USHBP1: variants seen among roughly 807,000 people sequenced by gnomAD.
The protein encoded by USHBP1 is USH1 protein network component harmonin binding protein 1, also known as harmonin-binding protein USHBP1.
USHBP1 carries 67 observed loss-of-function variants against 76.2 expected under a neutral mutation model. That is an observed-to-expected ratio of 0.88 (90% CI 0.72 to 1.08). The LOEUF (loss-of-function observed/expected upper bound fraction) is 1.08, where lower values mean the gene tolerates loss of function less well. USHBP1 is among the 50% of genes least tolerant of loss of function. The pLI is 0.00. For synonymous variants in USHBP1, 322 were observed against 362.2 expected (o/e 0.89, Z 1.26); for missense variants, 931 against 915.0 (o/e 1.02, Z -0.23).
At chr19:17,263,423 G>A (rs1038571666) in intron 3 of USHBP1, 13 of 161,622 alleles carry the variant, frequency 8.0e-5, no homozygotes, top group Admixed American at 6.0e-4. Context: ...TGCGTGTTCT[G>A]GGACTGGCAT....
chr19:17,258,157 C>T, intron 8 of USHBP1, 55 bp downstream of exon 8: 1 of 1,607,162 alleles, frequency 6.2e-7, no homozygotes, highest in Admixed American at 1.7e-5. Flanking sequence ...GCCCCATCCC[C>T]CAGTCAAGAC....
At chr19:17,261,653 T>G (rs1240467964) in intron 4 of USHBP1, among the ~76,000 whole-genome samples, 1 of 149,836 alleles carries the variant, frequency 6.7e-6, no homozygotes, top group East Asian at 2.0e-4. Flanking sequence ...TTTTTTTTTT[T>G]TTGAGACAGA....
Position 17,259,398 on chromosome 19 carries a change from G to A in USHBP1, c.937C>T (p.Leu313=), listed in dbSNP as rs751964672. ...TATCCCTGTAGCACAGCTGATAGCA[G>A]ACGATTAAAGCATTTGAGCTTCTCA... ...SIEKLKCFNR[L]LSAVLQGYKG... Residue 313 remains leucine, a synonymous_variant, in exon 7 of 13, where the codon CTG becomes TTG. Coordinates refer to ENST00000252597, the MANE Select transcript of USHBP1 (RefSeq NM_031941.4). 9.9e-6 allele frequency: 16 copies of A among 1,614,052 alleles called. No homozygotes were observed. In the East Asian group the frequency reaches 3.3e-4, roughly 34 times the overall value.
At position 17,250,269 on chromosome 19, in the gene USHBP1, T is replaced by C. The variant is rs2073532563; in HGVS notation, c.2068A>G (p.Arg690Gly). 2 of 1,613,188 alleles carry C rather than the reference T, an allele frequency of 1.2e-6. No homozygotes were observed. The highest frequency in any genetic ancestry group is 1.7e-5 in the Admixed American group (1 of 59,966). ...EATARALGKPRPPLPPPQLGD... is the reference protein window; with the variant it reads ...EATARALGKPGPPLPPPQLGD... Reference sequence around the variant, plus strand: ...AGCTGGGGAGGCGGGAGGGGAGGCCTGGGCTTCCCCAGGGCCCTTGCAGTG... The same window carrying C: ...AGCTGGGGAGGCGGGAGGGGAGGCCCGGGCTTCCCCAGGGCCCTTGCAGTG... The change falls in exon 13 of 13, where the codon AGG (arginine) becomes GGG (glycine). Residue 690 changes from arginine to glycine, a missense_variant. Physicochemically the swap from Arg to Gly is moderately radical, Grantham distance 125. Transcript: ENST00000252597.
At position 17,251,983 on chromosome 19, in the gene USHBP1, A is replaced by G. The variant is rs1010077816; in HGVS notation, c.1727T>C (p.Ile576Thr). The change falls in exon 11 of 13, where the codon ATT becomes ACT. Residue 576 changes from isoleucine (I) to threonine (T), a missense_variant. By Grantham distance (89) the Ile-to-Thr change is moderately conservative (BLOSUM62 -1). Coordinates refer to ENST00000252597, the MANE Select transcript of USHBP1 (RefSeq NM_031941.4). ...GGCTCTGCCCACCTGGCCACCATCA[A>G]TGCCACTGGTGCCACCAGGGACAGC... ...LPAVPGGTSG[I>T]DGGQVGRAWD... The G allele has an allele frequency of 6.5e-7, 1 of 1,549,710 alleles. No individual in the cohort carries two copies. Among genetic ancestry groups the G allele is most frequent in the Non-Finnish European group, 8.7e-7 (1 of 1,147,352 alleles).
At chr19:17,258,111 G>A in intron 8 of USHBP1, 101 bp downstream of exon 8, 8 of 1,540,708 alleles carry the variant, frequency 5.2e-6, no homozygotes, top group Non-Finnish European at 7.1e-6. Flanking sequence ...GCTGGACACA[G>A]CCACACCAAG....
chr19:17,251,819 A>T, intron 11 of USHBP1, 92 bp downstream of exon 11: 3 of 1,557,054 alleles, frequency 1.9e-6, no homozygotes, highest in Non-Finnish European at 2.6e-6. Flanking sequence ...ACACCGGGGT[A>T]CACCTTAGCT....
intron 8 of USHBP1, among the ~76,000 whole-genome samples, chr19:17,257,233 G>A (rs1228491986): frequency 7.0e-6 from 1 of 143,484 alleles, no homozygotes; most frequent in African/African-American, 2.6e-5. Flanking sequence ...AGGTTTCACC[G>A]TGTTAGCCAG....
At position 17,250,434 on chromosome 19, in the gene USHBP1, G is replaced by C. The variant is rs377363642; in HGVS notation, c.1923-20C>G. On this transcript the variant is annotated intron_variant, in intron 12 of 12. Coordinates refer to ENST00000252597, the MANE Select transcript of USHBP1 (RefSeq NM_031941.4). The stretch of plus-strand genomic sequence containing the variant: ...AGGGCGCTGGAAGGGGTGGGTGGCT[G>C]GGTCAGGAAACAGCCCCCGAGTCCA... The C allele has an allele frequency of 1.2e-5, 20 of 1,605,012 alleles. No homozygotes were observed. The highest frequency in any genetic ancestry group is 1.7e-5 in the Admixed American group (1 of 57,788).
chr19:17,258,915 C>T (rs568523352), intron 7 of USHBP1, among the ~76,000 whole-genome samples: 15 of 151,976 alleles, frequency 9.9e-5, no homozygotes, highest in African/African-American at 2.9e-4. Context: ...CACCTGTAAT[C>T]CCAGCACTTT....
Position 17,259,218 on chromosome 19 carries a change from G to C in USHBP1, c.1046+71C>G, listed in dbSNP as rs188970217. ...GAAGGTGCTCTCCAGTGAGGGTTCT[G>C]TGGATTGGGGCCATCCTCAGAAAGC... is the stretch of plus-strand genomic sequence containing the variant. On this transcript the variant is annotated intron_variant, in intron 7 of 12. Coordinates refer to ENST00000252597, the MANE Select transcript of USHBP1 (RefSeq NM_031941.4). 9.2e-5 allele frequency: 140 copies of C among 1,526,798 alleles called. No homozygotes were observed. The African/African-American group carries it at 1.5e-3, about 16-fold the overall frequency. The allele number at this position is 1,526,798 out of a possible 1,614,324, so 94.6% of individuals were successfully genotyped here. A position where few individuals can be genotyped will look rare whatever the true frequency, so the allele number is the denominator to read the frequency against.
At chr19:17,261,902 C>T (rs887615352) in intron 4 of USHBP1, among the ~76,000 whole-genome samples, 1 of 151,466 alleles carries the variant, frequency 6.6e-6, no homozygotes, top group Admixed American at 6.6e-5. Flanking sequence ...CCAGGCTGGT[C>T]TCTAACTCCT....
At chr19:17,251,428 T>A (rs2073549759) in intron 12 of USHBP1, among the ~76,000 whole-genome samples, 154 bp downstream of exon 12, 1 of 152,062 alleles carries the variant, frequency 6.6e-6, no homozygotes, top group Admixed American at 6.6e-5. Flanking sequence ...CCTCCCAACA[T>A]GCTGGGATTA....
chr19:17,253,195 C>T (rs1433119771), intron 10 of USHBP1, among the ~76,000 whole-genome samples: 1 of 151,968 alleles, frequency 6.6e-6, no homozygotes, highest in Non-Finnish European at 1.5e-5. Context: ...GTCTCGATCT[C>T]CTGACCTCGT....
rs375711935 is a variant in USHBP1 at position 17,262,629 on chromosome 19, T to C, written c.565A>G (p.Ser189Gly). 3 of 1,613,776 alleles carry C rather than the reference T, an allele frequency of 1.9e-6. No homozygotes were observed. Among genetic ancestry groups the C allele is most frequent in the Non-Finnish European group, 2.5e-6 (3 of 1,180,020 alleles). Residue 189 changes from serine to glycine, a missense_variant, in exon 4 of 13, where the codon AGC (serine) becomes GGC (glycine). Physicochemically the swap from Ser to Gly is moderately conservative, Grantham distance 56. Transcript: ENST00000252597. ...RNAWLRLALSSREDELVRTQA... is the reference protein window; with the variant it reads ...RNAWLRLALSGREDELVRTQA... ...GTGCGGACCAGCTCATCCTCTCGGC[T>C]ACTCAGGGCCAGCCGGAGCCAGGCA...
In USHBP1 at chr19:17,250,286, C is replaced by T. The variant is rs1173331333; in HGVS notation, c.2051G>A (p.Arg684Lys). 5.6e-6 allele frequency: 9 copies of T among 1,613,494 alleles called. No homozygotes were observed. Among genetic ancestry groups the T allele is most frequent in the Non-Finnish European group, 7.6e-6 (9 of 1,179,948 alleles). ...GGGAGGCCTGGGCTTCCCCAGGGCC[C>T]TTGCAGTGGCTTCGAGCACCGCCAC... ...EEVAVLEATARALGKPRPPLP... is the reference protein window; with the variant it reads ...EEVAVLEATAKALGKPRPPLP... Residue 684 changes from arginine (R) to lysine (K), a missense_variant, in exon 13 of 13, where the codon AGG becomes AAG. Transcript: ENST00000252597.
At chr19:17,254,715 T>G (rs1377236303) in intron 10 of USHBP1, among the ~76,000 whole-genome samples, 3 of 150,378 alleles carry the variant, frequency 2.0e-5, no homozygotes, top group African/African-American at 7.3e-5. Context: ...TGAAATGACA[T>G]AATCGTGGCT....
chr19:17,261,409 C>T (rs1395220146), intron 4 of USHBP1, among the ~76,000 whole-genome samples: 1 of 148,058 alleles, frequency 6.8e-6, no homozygotes, highest in Non-Finnish European at 1.5e-5. Flanking sequence ...GATCTCGGCT[C>T]ACTGCAAGCT....
intron 8 of USHBP1, among the ~76,000 whole-genome samples, chr19:17,257,085 A>C (rs1326129288): frequency 1.3e-5 from 2 of 149,128 alleles, no homozygotes; most frequent in Non-Finnish European, 3.0e-5. Context: ...CAGTGGCATA[A>C]CCTCGGCTCA....
Sources: allele counts gnomAD v4.1 joint callset (sites outside exome capture counted in the v4.1 genomes callset), GRCh38; gene constraint gnomAD v4.1.1; transcripts MANE v1.5; gene names NCBI Gene and HGNC (gene_info 2026-07-23, HGNC 2026-07-21).